Variants in GALNT1 observed in about 807,000 individuals in gnomAD.
GALNT1 encodes the protein polypeptide N-acetylgalactosaminyltransferase 1.
GALNT1 carries 17 observed loss-of-function variants against 65.7 expected under a neutral mutation model. That is an observed-to-expected ratio of 0.26 (90% confidence interval 0.18 to 0.39). The LOEUF is 0.39. Ranked by LOEUF, GALNT1 falls within the 10% of genes least tolerant of loss-of-function variation. The pLI, the probability that GALNT1 is intolerant of heterozygous loss-of-function variation, is 1.00. For synonymous variants in GALNT1, 210 were observed against 219.7 expected (o/e 0.96, Z 0.39); for missense variants, 460 against 672.8 (o/e 0.68, Z 3.50).
chr18:35,648,048 A>G (rs912162643), intron 1 of GALNT1, among the ~76,000 whole-genome samples: 2 of 143,764 alleles, frequency 1.4e-5, no homozygotes, highest in South Asian at 2.3e-4. Flanking sequence ...GAAGAAGAAG[A>G]AGGAAGGGAG....
chr18:35,640,957 TC>T (rs1418361214), intron 1 of GALNT1, among the ~76,000 whole-genome samples: 2 of 152,216 alleles, frequency 1.3e-5, no homozygotes, highest in Non-Finnish European at 2.9e-5. Context: ...GAGAAGATTT[TC>T]TTAAAACATA....
chr18:35,631,743 A>T (rs984911314), intron 1 of GALNT1, among the ~76,000 whole-genome samples: 1 of 152,164 alleles, frequency 6.6e-6, no homozygotes, highest in Non-Finnish European at 1.5e-5. Context: ...AGGGTATTCA[A>T]TTAGGAAAAG....
At chr18:35,603,949 G>A (rs557569108) in intron 1 of GALNT1, among the ~76,000 whole-genome samples, 115 of 152,166 alleles carry the variant, frequency 7.6e-4, no homozygotes, top group African/African-American at 2.3e-3. Flanking sequence ...TTTTAGGTTC[G>A]GGGGTACATG....
chr18:35,627,684 G>T (rs1346911678), intron 1 of GALNT1, among the ~76,000 whole-genome samples: 2 of 152,124 alleles, frequency 1.3e-5, no homozygotes, highest in Non-Finnish European at 2.9e-5. Context: ...ATTTCCAACT[G>T]AGGTACCGGG....
At chr18:35,631,448 A>G (rs1465861155) in intron 1 of GALNT1, among the ~76,000 whole-genome samples, 1 of 152,252 alleles carries the variant, frequency 6.6e-6, no homozygotes, top group Non-Finnish European at 1.5e-5. Flanking sequence ...AGAACCAACG[A>G]GAAAAGCCAC....
chr18:35,709,255 T>A (rs891733344), intron 11 of GALNT1, among the ~76,000 whole-genome samples: 4 of 152,190 alleles, frequency 2.6e-5, no homozygotes, highest in Admixed American at 2.6e-4. Context: ...AATCTGGTCT[T>A]TTTTTGTTGT....
At chr18:35,590,142 A>G (rs1309876745) in intron 1 of GALNT1, among the ~76,000 whole-genome samples, 1 of 152,180 alleles carries the variant, frequency 6.6e-6, no homozygotes, top group African/African-American at 2.4e-5. Context: ...TGTGAAGCCC[A>G]TTTTAGTCCT....
At chr18:35,616,360 TG>T (rs1264755354) in intron 1 of GALNT1, among the ~76,000 whole-genome samples, 1 of 152,170 alleles carries the variant, frequency 6.6e-6, no homozygotes, top group Admixed American at 6.6e-5. Context: ...TAATAGTACC[TG>T]GCTTACTGGG....
At chr18:35,638,479 C>G (rs2047121130) in intron 1 of GALNT1, among the ~76,000 whole-genome samples, 1 of 151,974 alleles carries the variant, frequency 6.6e-6, no homozygotes, top group Admixed American at 6.6e-5. Flanking sequence ...CACACACACA[C>G]AGCCCCAGCA....
chr18:35,631,193 A>G (rs992590345), intron 1 of GALNT1, among the ~76,000 whole-genome samples: 14 of 152,208 alleles, frequency 9.2e-5, no homozygotes, highest in Admixed American at 7.9e-4. Context: ...ATCCTCCCTA[A>G]CTCATTTTAT....
At chr18:35,582,265 G>A (rs2046331871) in intron 1 of GALNT1, among the ~76,000 whole-genome samples, 1 of 152,158 alleles carries the variant, frequency 6.6e-6, no homozygotes, top group African/African-American at 2.4e-5. Context: ...AGCGGGGGAG[G>A]GGGCTTCCCG....
At chr18:35,654,825 C>T in intron 2 of GALNT1, 24 bp downstream of exon 2, 1 of 1,497,050 alleles carries the variant, frequency 6.7e-7, no homozygotes, top group South Asian at 1.4e-5. Context: ...TATAATAGAG[C>T]TGTTTTAACT....
intron 9 of GALNT1, among the ~76,000 whole-genome samples, chr18:35,692,526 C>CTGAG (rs2047984889): frequency 6.6e-6 from 1 of 151,798 alleles, no homozygotes; most frequent in Non-Finnish European, 1.5e-5. Flanking sequence ...TTGATTTCCA[C>CTGAG]TGAGTTGATG....
At chr18:35,633,925 T>G (rs999418673) in intron 1 of GALNT1, among the ~76,000 whole-genome samples, 1 of 152,208 alleles carries the variant, frequency 6.6e-6, no homozygotes, top group Non-Finnish European at 1.5e-5. Context: ...TGCTTGAACT[T>G]AACCCAGTAA....
chr18:35,625,645 A>G (rs2046907727), intron 1 of GALNT1, among the ~76,000 whole-genome samples: 1 of 152,190 alleles, frequency 6.6e-6, no homozygotes, highest in Admixed American at 6.5e-5. Flanking sequence ...AAAAACATGT[A>G]GAAAATCTTA....
intron 11 of GALNT1, 74 bp from the exon 12 acceptor site, chr18:35,709,550 A>C (rs1431129169): frequency 2.0e-6 from 3 of 1,518,742 alleles, no homozygotes; most frequent in Non-Finnish European, 2.7e-6. Context: ...CTGCAGAGGA[A>C]CTTAATCACC....
At chr18:35,677,117 G>A (rs975325380) in intron 3 of GALNT1, among the ~76,000 whole-genome samples, 14 of 152,124 alleles carry the variant, frequency 9.2e-5, no homozygotes, top group Non-Finnish European at 1.8e-4. Context: ...CCAAGCATCC[G>A]TCTTATAGAA....
chr18:35,610,476 C>G (rs1033209455), intron 1 of GALNT1, among the ~76,000 whole-genome samples: 17 of 152,216 alleles, frequency 1.1e-4, no homozygotes, highest in Non-Finnish European at 7.3e-5. Context: ...GGGACCTTGT[C>G]TGTCCTGTTT....
intron 1 of GALNT1, among the ~76,000 whole-genome samples, chr18:35,622,620 G>A (rs917567995): frequency 3.9e-5 from 6 of 152,170 alleles, no homozygotes; most frequent in Admixed American, 3.3e-4. Context: ...CTTGTATCCA[G>A]CAACCTTGCT....
Sources: allele counts gnomAD v4.1 joint callset (sites outside exome capture counted in the v4.1 genomes callset), GRCh38; gene constraint gnomAD v4.1.1; transcripts MANE v1.5; gene names NCBI Gene and HGNC (gene_info 2026-07-23, HGNC 2026-07-21).